The following NRXN3 variants were observed in gnomAD, a reference collection of about 807,000 sequenced individuals.
The protein encoded by NRXN3 is neurexin III.
Under a neutral mutation model 137.6 loss-of-function variants are expected in NRXN3, and 32 were observed. The observed-to-expected ratio is 0.23, with a 90% CI of 0.18 to 0.31. The LOEUF is 0.31. Ranked by LOEUF, NRXN3 falls within the 10% of genes least tolerant of loss-of-function variation. The pLI is 1.00. For synonymous variants in NRXN3, 798 were observed against 784.5 expected, an observed-to-expected ratio of 1.02 and a Z score of -0.29; for missense variants, 1,574 against 2,062.5, an observed-to-expected ratio of 0.76 and a Z score of 4.59.
At chr14:78,407,474 A>AT (rs770865126) in intron 4 of NRXN3, among the ~76,000 whole-genome samples, 31 of 152,192 alleles carry the variant, frequency 2.0e-4, no homozygotes, top group African/African-American at 7.2e-5. Context: ...TTGGAAGGCC[A>AT]TTTTTTTCCT....
chr14:78,288,904 T>G (rs1473257102), intron 3 of NRXN3, among the ~76,000 whole-genome samples: 1 of 152,202 alleles, frequency 6.6e-6, no homozygotes, highest in Admixed American at 6.5e-5. Context: ...GAAGAAACCC[T>G]TTCTGTTCAG....
At chr14:79,668,183 G>T (rs1016561874) in intron 17 of NRXN3, among the ~76,000 whole-genome samples, 1 of 151,960 alleles carries the variant, frequency 6.6e-6, no homozygotes, top group Non-Finnish European at 1.5e-5. Flanking sequence ...GGTAAAAGTA[G>T]CTCCCTTTCA....
chr14:79,261,995 G>A (rs899228486), intron 15 of NRXN3, among the ~76,000 whole-genome samples: 4 of 152,062 alleles, frequency 2.6e-5, no homozygotes, highest in Non-Finnish European at 5.9e-5. Flanking sequence ...TGTCCTTGGA[G>A]CCCAGATTAT....
chr14:79,747,179 C>A (rs938318217), intron 19 of NRXN3, among the ~76,000 whole-genome samples: 4 of 151,938 alleles, frequency 2.6e-5, no homozygotes, highest in African/African-American at 9.7e-5. Context: ...ACATAAGCTA[C>A]TTATAAAGTT....
intron 15 of NRXN3, among the ~76,000 whole-genome samples, chr14:79,399,938 G>A (rs193089981): frequency 8.0e-4 from 122 of 152,218 alleles, no homozygotes; most frequent in East Asian, 1.9e-4. Context: ...TTTTAGCAGC[G>A]TCACTCCAGT....
chr14:78,748,875 G>A (rs2098627380), intron 8 of NRXN3, among the ~76,000 whole-genome samples: 1 of 152,144 alleles, frequency 6.6e-6, no homozygotes, highest in Admixed American at 6.5e-5. Context: ...TTCACCCAAA[G>A]CAATCACTAT....
At chr14:78,502,052 T>A (rs141199352) in intron 4 of NRXN3, among the ~76,000 whole-genome samples, 46 of 152,224 alleles carry the variant, frequency 3.0e-4, no homozygotes, top group African/African-American at 1.1e-3. Context: ...TTCGCACAGA[T>A]GTCATCATCC....
At chr14:79,037,855 TAAAG>T (rs1188306428) in intron 15 of NRXN3, among the ~76,000 whole-genome samples, 1 of 152,054 alleles carries the variant, frequency 6.6e-6, no homozygotes, top group Admixed American at 6.6e-5. Context: ...TGCCAAAAGA[TAAAG>T]AAGTGTAGGA....
intron 16 of NRXN3, among the ~76,000 whole-genome samples, chr14:79,483,772 T>A (rs1236064421): frequency 6.6e-6 from 1 of 151,788 alleles, no homozygotes; most frequent in Non-Finnish European, 1.5e-5. Flanking sequence ...AAATGATGCG[T>A]GTGTGTGTGT....
At chr14:78,403,926 G>C in intron 4 of NRXN3, 1 of 973,196 alleles carries the variant, frequency 1.0e-6, no homozygotes, top group Non-Finnish European at 1.2e-6. Flanking sequence ...GTGAGCTGCG[G>C]TGGGGGTGGG....
At chr14:78,517,727 G>A (rs971807380) in intron 4 of NRXN3, among the ~76,000 whole-genome samples, 1 of 152,076 alleles carries the variant, frequency 6.6e-6, no homozygotes, top group Non-Finnish European at 1.5e-5. Flanking sequence ...AGAAGCACAC[G>A]ATAAAGAAAA....
intron 19 of NRXN3, among the ~76,000 whole-genome samples, chr14:79,729,136 T>C (rs894744405): frequency 4.6e-5 from 7 of 152,238 alleles, no homozygotes; most frequent in African/African-American, 1.7e-4. Flanking sequence ...TTAATATTTA[T>C]TGTAAAGGCT....
chr14:78,772,045 C>T (rs573589774), intron 8 of NRXN3, among the ~76,000 whole-genome samples: 151 of 152,110 alleles, frequency 9.9e-4, no homozygotes, highest in Non-Finnish European at 1.0e-3. Flanking sequence ...TAATTTTATA[C>T]AATATTTTAA....
At chr14:78,717,768 C>A (rs556276400) in intron 8 of NRXN3, among the ~76,000 whole-genome samples, 25 of 152,144 alleles carry the variant, frequency 1.6e-4, no homozygotes, top group Non-Finnish European at 3.5e-4. Context: ...AACAGAAACA[C>A]CAACTTGACA....
rs1261484351 is a variant in NRXN3, at chr14:79,868,002, G to A, written c.*6038G>A. On this transcript the variant is annotated 3_prime_UTR_variant, in exon 21 of 21. Coordinates refer to ENST00000335750, the MANE Select transcript of NRXN3 (RefSeq NM_001330195.2). Reference sequence around the variant, plus strand: ...ATTACATGGGTTCTAGAGTCAAAATGCCATGGCTCATCTGGTACTGTAACT... The same window carrying A: ...ATTACATGGGTTCTAGAGTCAAAATACCATGGCTCATCTGGTACTGTAACT... The A allele has an allele frequency of 1.3e-5, 2 of 151,820 alleles. No individual in the cohort carries two copies. The highest frequency in any genetic ancestry group is 2.9e-5 in the Non-Finnish European group (2 of 67,970). The allele number at this position is 151,820 out of a possible 1,614,324, so 9.4% of individuals were successfully genotyped here. A position where few individuals can be genotyped will look rare whatever the true frequency, so the allele number is the denominator to read the frequency against.
intron 15 of NRXN3, among the ~76,000 whole-genome samples, chr14:79,094,463 C>T (rs771598633): frequency 1.3e-5 from 2 of 152,226 alleles, no homozygotes; most frequent in East Asian, 1.9e-4. Context: ...AAAGTAGATG[C>T]GATTGAATCA....
At chr14:78,865,003 C>T (rs901145229) in intron 10 of NRXN3, among the ~76,000 whole-genome samples, 4 of 152,148 alleles carry the variant, frequency 2.6e-5, no homozygotes. Flanking sequence ...AGAGATCTTT[C>T]TGCTTCTGCT....
chr14:79,306,694 C>G (rs1007198819), intron 15 of NRXN3, among the ~76,000 whole-genome samples: 1 of 152,024 alleles, frequency 6.6e-6, no homozygotes, highest in Non-Finnish European at 1.5e-5. Context: ...TTCCACTCAG[C>G]CCTGACACCT....
chr14:78,474,870 C>T (rs909369553), intron 4 of NRXN3, among the ~76,000 whole-genome samples: 3 of 152,150 alleles, frequency 2.0e-5, no homozygotes, highest in Non-Finnish European at 4.4e-5. Context: ...CATTTTAGTC[C>T]AGTGGTTCTC....
Sources: allele counts gnomAD v4.1 joint callset (sites outside exome capture counted in the v4.1 genomes callset), GRCh38; gene constraint gnomAD v4.1.1; transcripts MANE v1.5; gene names NCBI Gene and HGNC (gene_info 2026-07-23, HGNC 2026-07-21).